The following GNG7 variants were observed in gnomAD, a reference collection of about 807,000 sequenced individuals.
GNG7 encodes G protein subunit gamma 7.
In GNG7, 1 loss-of-function variant was observed where a neutral mutation model predicts 4.0. The observed-to-expected ratio is 0.25, with a 90% CI of 0.09 to 1.18. The LOEUF (loss-of-function observed/expected upper bound fraction) is 1.18, where lower values mean the gene tolerates loss of function less well. Ranked by LOEUF, GNG7 falls within the 50% of genes most tolerant of loss-of-function variation. GNG7 has a pLI of 0.50. For missense variants in GNG7, 86 were observed against 91.9 expected, an observed-to-expected ratio of 0.94 and a Z score of 0.26; for synonymous variants, 34 against 36.9, an observed-to-expected ratio of 0.92 and a Z score of 0.29.
intron 2 of GNG7, among the ~76,000 whole-genome samples, chr19:2,588,370 A>G (rs1224263836): frequency 6.6e-6 from 1 of 152,178 alleles, no homozygotes; most frequent in Non-Finnish European, 1.5e-5. Flanking sequence ...CAATGAGATA[A>G]ACCAGCACGA....
chr19:2,692,957 G>A (rs1913169541), intron 1 of GNG7, among the ~76,000 whole-genome samples: 1 of 151,898 alleles, frequency 6.6e-6, no homozygotes, highest in Non-Finnish European at 1.5e-5. Flanking sequence ...CTGCACTCCA[G>A]CCTGGGTAAC....
At position 2,512,638 on chromosome 19, in the gene GNG7, C is replaced by T. The variant is rs1470742991; in HGVS notation, c.*2384G>A. 6.2e-6 allele frequency: 1 copy of T among 162,304 alleles called. No homozygotes were observed. Among genetic ancestry groups the T allele is most frequent in the Non-Finnish European group, 1.3e-5 (1 of 77,316 alleles). 10.1% of individuals were successfully genotyped at this position (162,304 alleles called of 1,614,324 possible). Reference sequence around the variant, plus strand: ...TGCAGCAGCCTCCGTTCCCTGCTGGCATTTCTGGGGTCACATTGTGAGGAC... The same window carrying T: ...TGCAGCAGCCTCCGTTCCCTGCTGGTATTTCTGGGGTCACATTGTGAGGAC... On this transcript the variant is annotated 3_prime_UTR_variant, in exon 5 of 5. Transcript: ENST00000382159. This position sits in a 1 kb window ranked among gnomAD's most constrained non-coding sequence, Gnocchi z 4.7.
chr19:2,597,515 T>G (rs899417608), intron 2 of GNG7, among the ~76,000 whole-genome samples: 2 of 151,578 alleles, frequency 1.3e-5, no homozygotes, highest in Non-Finnish European at 2.9e-5. Flanking sequence ...GAGAATCGCT[T>G]GAACCCAGGA....
chr19:2,684,359 T>C (rs1296061229), intron 1 of GNG7, among the ~76,000 whole-genome samples: 2 of 151,350 alleles, frequency 1.3e-5, no homozygotes, highest in Non-Finnish European at 2.9e-5. Flanking sequence ...ATGGTCTCGA[T>C]CTCTTGACCT....
intron 2 of GNG7, among the ~76,000 whole-genome samples, chr19:2,606,063 G>A (rs1981376078): frequency 6.6e-6 from 1 of 152,166 alleles, no homozygotes; most frequent in African/African-American, 2.4e-5. Context: ...AGTCGGGCAA[G>A]CTTCCAAGCA....
chr19:2,538,679 A>G (rs967493048), intron 3 of GNG7: 3 of 460,104 alleles, frequency 6.5e-6, no homozygotes, highest in South Asian at 1.6e-5. Context: ...TACAAGGTTC[A>G]CTACTCTAAC....
rs1186749415 is a variant in GNG7, at chr19:2,614,699, T to C, written c.-78+31525A>G. Among the ~76,000 whole-genome samples, 1 of 152,172 alleles carries C rather than the reference T, an allele frequency of 6.6e-6. No individual in the cohort carries two copies. The highest frequency in any genetic ancestry group is 1.9e-4 in the East Asian group (1 of 5,190). On this transcript the variant is annotated intron_variant, in intron 2 of 4. Transcript: ENST00000382159. This position sits in a 1 kb window ranked among gnomAD's most constrained non-coding sequence, Gnocchi z 6.0. ...TATCTATTTACCCACGGACGGACACTTGGGTCATTTCCACCTTTTAGCCAT... is the reference window on the plus strand; with the variant it reads ...TATCTATTTACCCACGGACGGACACCTGGGTCATTTCCACCTTTTAGCCAT...
chr19:2,565,511 CAA>C (rs147226705), intron 2 of GNG7, among the ~76,000 whole-genome samples: 7 of 116,548 alleles, frequency 6.0e-5, no homozygotes, highest in African/African-American at 1.7e-4. Flanking sequence ...GACTCTGTCT[CAA>C]AAAAAAAAAA....
intron 1 of GNG7, among the ~76,000 whole-genome samples, chr19:2,692,474 A>G (rs1026185468): frequency 6.6e-6 from 1 of 151,892 alleles, no homozygotes; most frequent in African/African-American, 2.4e-5. Flanking sequence ...TCTCTACTAA[A>G]AATACAAAAA....
intron 3 of GNG7, among the ~76,000 whole-genome samples, chr19:2,548,178 ACAAAAAT>A (rs111604295): frequency 0.18 from 27,874 of 151,858 alleles, 2,605 homozygotes; most frequent in African/African-American, 0.23. Flanking sequence ...ACAATGGAAA[ACAAAAAT>A]CAAAAAACAA....
intron 1 of GNG7, among the ~76,000 whole-genome samples, chr19:2,675,653 G>A (rs1983575288): frequency 6.6e-6 from 1 of 152,158 alleles, no homozygotes. Context: ...AAAAACATAT[G>A]AAAACAGAAA....
chr19:2,641,355 C>G (rs541303692), intron 2 of GNG7, among the ~76,000 whole-genome samples: 4 of 152,150 alleles, frequency 2.6e-5, no homozygotes, highest in Non-Finnish European at 1.5e-5. Context: ...CAAAAGGGAC[C>G]GCAGATGGGA....
chr19:2,554,525 G>A lies in GNG7; in HGVS notation c.-38+624C>T, dbSNP rs543885524. ...TGTATACATATATATAGGTATATGT[G>A]TGTATAAAATATATATGCTATATAT... On this transcript the variant is annotated intron_variant, in intron 3 of 4. Transcript: ENST00000382159. Among the ~76,000 whole-genome samples, 85 of 145,912 alleles carry A rather than the reference G, an allele frequency of 5.8e-4. 1 individual carries two copies. The South Asian group carries it at 0.018, about 31-fold the overall frequency.
chr19:2,594,981 A>C (rs1250781895), intron 2 of GNG7: 1 of 151,814 alleles, frequency 6.6e-6, no homozygotes, highest in Non-Finnish European at 1.5e-5. Flanking sequence ...TTAGCTGGGC[A>C]TGGTGGCACG....
intron 3 of GNG7, among the ~76,000 whole-genome samples, chr19:2,554,940 TGAC>T (rs1426573663): frequency 1.3e-5 from 2 of 152,160 alleles, no homozygotes; most frequent in Non-Finnish European, 2.9e-5. Flanking sequence ...TGCAGACAGT[TGAC>T]GCGAACCCAC....
intron 1 of GNG7, among the ~76,000 whole-genome samples, chr19:2,671,999 C>A (rs572886470): frequency 7.7e-6 from 1 of 130,582 alleles, no homozygotes. Flanking sequence ...TGCAGTGAGC[C>A]GAGATTGCGT....
intron 2 of GNG7, among the ~76,000 whole-genome samples, chr19:2,590,576 T>TCCA (rs1980813564): frequency 3.7e-5 from 5 of 133,342 alleles, no homozygotes; most frequent in African/African-American, 1.4e-4. Context: ...CATTCACCCA[T>TCCA]TCATCCATCC....
At position 2,511,778 on chromosome 19, in the gene GNG7, C is replaced by T. The variant is rs577316931; in HGVS notation, c.*3244G>A. 216 of 984,762 alleles carry T rather than the reference C, an allele frequency of 2.2e-4. No individual in the cohort carries two copies. The highest frequency in any genetic ancestry group is 2.5e-4 in the Non-Finnish European group (208 of 828,890). The allele number at this position is 984,762 out of a possible 1,614,324, so 61.0% of individuals were successfully genotyped here. A position where few individuals can be genotyped will look rare whatever the true frequency, so the allele number is the denominator to read the frequency against. ...GGAGCACCTTCCGCCCTGGCCCAGC[C>T]GCCCCGTTTATGTCCCCAGAGGCCA... On this transcript the variant is annotated 3_prime_UTR_variant, in exon 5 of 5. Coordinates refer to ENST00000382159, the MANE Select transcript of GNG7 (RefSeq NM_052847.3). The surrounding 1 kb of genome is among the most constrained non-coding windows in gnomAD (Gnocchi z 6.3).
chr19:2,685,494 A>T (rs572676015), intron 1 of GNG7, among the ~76,000 whole-genome samples: 1 of 151,934 alleles, frequency 6.6e-6, no homozygotes, highest in African/African-American at 2.4e-5. Flanking sequence ...GCGTGGTGGC[A>T]TGCACCTGTG....
Sources: allele counts gnomAD v4.1 joint callset (sites outside exome capture counted in the v4.1 genomes callset), GRCh38; gene constraint gnomAD v4.1.1; non-coding constraint Gnocchi (gnomAD v3.1); transcripts MANE v1.5; gene names NCBI Gene and HGNC (gene_info 2026-07-23, HGNC 2026-07-21).